Variants in CTNNA1 observed in about 807,000 individuals in gnomAD.
CTNNA1 encodes the protein catenin alpha-1.
Under a neutral mutation model 98.4 loss-of-function variants are expected in CTNNA1, and 37 were observed. The observed-to-expected ratio is 0.38, with a 90% CI of 0.29 to 0.49. The LOEUF (loss-of-function observed/expected upper bound fraction) is 0.49. CTNNA1 is among the 20% of genes least tolerant of loss of function. The probability of loss-of-function intolerance (pLI) is 0.95; values close to 1 mark genes in which losing one functional copy is unlikely to be tolerated. For missense variants in CTNNA1, 761 were observed against 1,147.2 expected (o/e 0.66, Z 4.86); for synonymous variants, 404 against 413.2 (o/e 0.98, Z 0.27).
At chr5:138,765,716 C>T (rs1198830930) in intron 1 of CTNNA1, among the ~76,000 whole-genome samples, 2 of 151,602 alleles carry the variant, frequency 1.3e-5, no homozygotes, top group Admixed American at 6.6e-5. Context: ...TTTGGGAGGC[C>T]GAGGCAGGTG....
intron 1 of CTNNA1, among the ~76,000 whole-genome samples, chr5:138,774,274 C>T (rs997145872): frequency 1.1e-4 from 16 of 152,094 alleles, no homozygotes; most frequent in African/African-American, 3.1e-4. Flanking sequence ...ATTTTCCCAT[C>T]GTGGCCTCCC....
chr5:138,932,473 G>A, intron 16 of CTNNA1, 105 bp from the exon 17 acceptor site: 1 of 1,507,784 alleles, frequency 6.6e-7, no homozygotes, highest in East Asian at 2.4e-5. Flanking sequence ...AGCAAGAGGA[G>A]AGGAAGCATG....
At chr5:138,791,675 AT>A (rs1406808810) in intron 3 of CTNNA1, among the ~76,000 whole-genome samples, 2 of 142,626 alleles carry the variant, frequency 1.4e-5, no homozygotes, top group East Asian at 4.5e-4. Context: ...AGAAAGGAGT[AT>A]TTATTGTCTG....
intron 10 of CTNNA1, 159 bp downstream of exon 10, chr5:138,904,600 T>G (rs1168217726): frequency 2.0e-6 from 2 of 1,001,028 alleles, no homozygotes; most frequent in Admixed American, 5.9e-5. Flanking sequence ...TTGGAATATT[T>G]TTTGTTTAAC....
intron 3 of CTNNA1, among the ~76,000 whole-genome samples, chr5:138,787,451 A>G (rs1755833200): frequency 6.6e-6 from 1 of 152,186 alleles, no homozygotes; most frequent in Non-Finnish European, 1.5e-5. Flanking sequence ...GAAACTATTA[A>G]TATTCAGCTC....
intron 7 of CTNNA1, among the ~76,000 whole-genome samples, chr5:138,866,219 A>G (rs1297390486): frequency 1.3e-5 from 2 of 151,938 alleles, no homozygotes. Flanking sequence ...ATGGCTGTAG[A>G]GTTTTGGTAC....
chr5:138,872,910 T>A (rs887031316), intron 7 of CTNNA1: 2 of 809,606 alleles, frequency 2.5e-6, no homozygotes, highest in East Asian at 5.3e-5. Context: ...TTTGGAAAAT[T>A]AGGCTTAATG....
At chr5:138,927,558 CTGCT>C (rs2150313480) in intron 13 of CTNNA1, among the ~76,000 whole-genome samples, 1 of 149,676 alleles carries the variant, frequency 6.7e-6, no homozygotes, top group African/African-American at 2.4e-5. Flanking sequence ...TTATTCATCA[CTGCT>C]TTCTTCATAG....
chr5:138,907,888 A>T (rs1759627611), intron 10 of CTNNA1, among the ~76,000 whole-genome samples: 1 of 151,980 alleles, frequency 6.6e-6, no homozygotes, highest in Non-Finnish European at 1.5e-5. Context: ...TGGCTCCTAT[A>T]TGCTATTTTT....
chr5:138,861,517 C>G lies in CTNNA1; in HGVS notation c.1063-24695C>G, dbSNP rs143585127. Among the ~76,000 whole-genome samples, 347 of 152,296 alleles carry G rather than the reference C, an allele frequency of 2.3e-3. 1 individual carries two copies. The highest frequency in any genetic ancestry group is 8.2e-3 in the African/African-American group (339 of 41,566). On this transcript the variant is annotated intron_variant, in intron 7 of 17. Coordinates refer to ENST00000302763, the MANE Select transcript of CTNNA1 (RefSeq NM_001903.5). ...CTGGAATGAAAGATTACTGCCTATT[C>G]TTAAAGAATTCTACATTTCTGAAAT...
chr5:138,855,200 A>C (rs1292087613), intron 7 of CTNNA1, among the ~76,000 whole-genome samples: 2 of 151,266 alleles, frequency 1.3e-5, no homozygotes, highest in Non-Finnish European at 3.0e-5. Flanking sequence ...CAGCACGCCC[A>C]GCTAATTTTT....
chr5:138,810,326 A>C (rs989898560), intron 4 of CTNNA1, 122 bp downstream of exon 4: 5 of 1,045,814 alleles, frequency 4.8e-6, no homozygotes, highest in Non-Finnish European at 7.0e-6. Flanking sequence ...TCAATGGACC[A>C]GAGATGTTTT....
chr5:138,827,892 T>C (rs1760873046), intron 7 of CTNNA1, 174 bp downstream of exon 7: 1 of 674,812 alleles, frequency 1.5e-6, no homozygotes, highest in Non-Finnish European at 2.5e-6. Flanking sequence ...GGCTCTTTCC[T>C]CTCTCCAGCT....
In CTNNA1 at chr5:138,837,904, G is replaced by A. The variant is rs151148055; in HGVS notation, c.1062+10186G>A. On this transcript the variant is annotated intron_variant, in intron 7 of 17. Transcript: ENST00000302763. ...CTCCCAAAGTGCTGGGATTACAGGTGTGAGCCACCATGCCTGGCCAAGTAG... is the reference window on the plus strand; with the variant it reads ...CTCCCAAAGTGCTGGGATTACAGGTATGAGCCACCATGCCTGGCCAAGTAG... Among the ~76,000 whole-genome samples the A allele has an allele frequency of 1.1e-4, 16 of 152,240 alleles. No homozygotes were observed. In the East Asian group the frequency reaches 2.7e-3, roughly 26 times the overall value.
intron 7 of CTNNA1, among the ~76,000 whole-genome samples, chr5:138,881,600 A>G (rs1055170388): frequency 2.0e-5 from 3 of 152,220 alleles, no homozygotes; most frequent in Admixed American, 1.3e-4. Context: ...GTTGTGAGCA[A>G]CAGCTTGGTT....
At position 138,832,655 on chromosome 5, in the gene CTNNA1, A is replaced by G. The variant is rs552384282; in HGVS notation, c.1062+4937A>G. Among the ~76,000 whole-genome samples the G allele has an allele frequency of 2.6e-5, 4 of 152,336 alleles. No homozygotes were observed. In the East Asian group the frequency reaches 7.7e-4, roughly 29 times the overall value. ...CACTACTATTAGCATTTAGGGATAT[A>G]TATTTTCAGGTTTTTTTCTTTTCTT... On this transcript the variant is annotated intron_variant, in intron 7 of 17. Transcript: ENST00000302763.
At chr5:138,918,623 T>C (rs754434123) in intron 11 of CTNNA1, among the ~76,000 whole-genome samples, 4 of 152,272 alleles carry the variant, frequency 2.6e-5, no homozygotes, top group Non-Finnish European at 4.4e-5. Flanking sequence ...TGCATTCATA[T>C]AGAAAATATC....
chr5:138,812,416 C>G (rs904640188), intron 5 of CTNNA1, 114 bp downstream of exon 5: 1 of 1,122,716 alleles, frequency 8.9e-7, no homozygotes, highest in Admixed American at 2.9e-5. Context: ...AATATAGTTC[C>G]ATTAAAACAT....
At chr5:138,777,683 C>G (rs1370283441) in intron 1 of CTNNA1, among the ~76,000 whole-genome samples, 2 of 151,808 alleles carry the variant, frequency 1.3e-5, no homozygotes, top group East Asian at 1.9e-4. Context: ...CAGTGAAACC[C>G]CGTCTCCACC....
Sources: allele counts gnomAD v4.1 joint callset (sites outside exome capture counted in the v4.1 genomes callset), GRCh38; gene constraint gnomAD v4.1.1; transcripts MANE v1.5; gene names NCBI Gene and HGNC (gene_info 2026-07-23, HGNC 2026-07-21).